Variants in SIM2 observed in about 807,000 individuals in gnomAD.
SIM2 encodes the protein SIM bHLH transcription factor 2, also known as single-minded homolog 2.
Under a neutral mutation model 64.8 loss-of-function variants are expected in SIM2, and 28 were observed. The observed-to-expected ratio is 0.43, with a 90% CI of 0.32 to 0.59. SIM2 has a LOEUF of 0.59. Among genes scored for constraint, SIM2 ranks in the 20% least tolerant of loss-of-function variants. The pLI, the probability that SIM2 is intolerant of heterozygous loss-of-function variation, is 0.07. For missense variants in SIM2, 847 were observed against 871.4 expected (o/e 0.97, Z 0.35); for synonymous variants, 408 against 391.1 (o/e 1.04, Z -0.51).
At chr21:36,732,603 C>T (rs1412693705) in intron 7 of SIM2, among the ~76,000 whole-genome samples, 1 of 152,208 alleles carries the variant, frequency 6.6e-6, no homozygotes, top group Non-Finnish European at 1.5e-5. Flanking sequence ...CAGACGGCTT[C>T]TTCCTTGCTC....
In SIM2 at chr21:36,726,019, C is replaced by T. The variant is rs1399651309; in HGVS notation, c.544-100C>T. 20 of 962,912 alleles carry T rather than the reference C, an allele frequency of 2.1e-5. No individual in the cohort carries two copies. Among genetic ancestry groups the T allele is most frequent in the Non-Finnish European group, 2.9e-5 (18 of 619,198 alleles). The allele number at this position is 962,912 out of a possible 1,614,324, so 59.6% of individuals were successfully genotyped here. A position where few individuals can be genotyped will look rare whatever the true frequency, so the allele number is the denominator to read the frequency against. On this transcript the variant is annotated intron_variant, in intron 5 of 10. Coordinates refer to ENST00000290399, the MANE Select transcript of SIM2 (RefSeq NM_005069.6). The surrounding 1 kb of genome is among the most constrained non-coding windows in gnomAD (Gnocchi z 4.5). ...GCCGCACAGTGGAGTAGAGGCTGGG[C>T]TGGGAGATATTCTAGCATGTTTGAG...
chr21:36,699,524 C>T lies in SIM2; in HGVS notation c.-223C>T. Reference sequence around the variant, plus strand: ...GTCCAGCCCGGAGGAGGCTGCGCTCCGGGCAGCGGCGGGCGGCGCCGCCGG... The same window carrying T: ...GTCCAGCCCGGAGGAGGCTGCGCTCTGGGCAGCGGCGGGCGGCGCCGCCGG... On this transcript the variant is annotated 5_prime_UTR_variant, in exon 1 of 11. Transcript: ENST00000290399. The surrounding 1 kb of genome is among the most constrained non-coding windows in gnomAD (Gnocchi z 5.6). 2.7e-6 allele frequency: 1 copy of T among 365,590 alleles called. No individual in the cohort carries two copies. Among genetic ancestry groups the T allele is most frequent in the Non-Finnish European group, 4.9e-6 (1 of 205,988 alleles). The allele number at this position is 365,590 out of a possible 1,614,324, so 22.6% of individuals were successfully genotyped here. A position where few individuals can be genotyped will look rare whatever the true frequency, so the allele number is the denominator to read the frequency against.
chr21:36,703,325 A>T (rs875225), intron 1 of SIM2, among the ~76,000 whole-genome samples: 108,168 of 152,074 alleles, frequency 0.71, 38,585 homozygotes, highest in Middle Eastern at 0.74. Context: ...ATTGTCATGC[A>T]GCGCTACTCG....
At chr21:36,741,618 C>T in intron 7 of SIM2, 99 bp from the exon 8 acceptor site, 1 of 1,411,186 alleles carries the variant, frequency 7.1e-7, no homozygotes, top group Non-Finnish European at 9.8e-7. Context: ...TTGTCAAGTT[C>T]TCAGAGGTGT....
At chr21:36,746,584 T>C (rs2089229617) in intron 10 of SIM2, among the ~76,000 whole-genome samples, 1 of 152,198 alleles carries the variant, frequency 6.6e-6, no homozygotes. Flanking sequence ...CACTAGGACA[T>C]GTTTTTTCAG....
At chr21:36,713,089 A>G (rs1183335478) in intron 3 of SIM2, among the ~76,000 whole-genome samples, 1 of 152,120 alleles carries the variant, frequency 6.6e-6, no homozygotes, top group African/African-American at 2.4e-5. Context: ...TAGATTTATG[A>G]GTGTTCGCAT....
At chr21:36,711,904 A>T (rs1289529584) in intron 2 of SIM2, among the ~76,000 whole-genome samples, 5 of 152,150 alleles carry the variant, frequency 3.3e-5, no homozygotes, top group Admixed American at 3.3e-4. Flanking sequence ...GGTAGTTTTC[A>T]TTTTTCAGAA....
At chr21:36,734,681 A>C (rs778743336) in intron 7 of SIM2, among the ~76,000 whole-genome samples, 3 of 152,192 alleles carry the variant, frequency 2.0e-5, no homozygotes, top group Non-Finnish European at 2.9e-5. Context: ...GCTGAGCAGC[A>C]GCCTCCCCTC....
chr21:36,713,735 C>A (rs1420814033), intron 3 of SIM2, among the ~76,000 whole-genome samples: 2 of 152,178 alleles, frequency 1.3e-5, no homozygotes. Flanking sequence ...ATTTTTCTGC[C>A]AATACTTTTT....
chr21:36,711,409 T>C (rs1160421883), intron 2 of SIM2, among the ~76,000 whole-genome samples: 1 of 152,248 alleles, frequency 6.6e-6, no homozygotes, highest in Non-Finnish European at 1.5e-5. Context: ...ATAATCAAGA[T>C]GCTGATTTTC....
chr21:36,700,060 G>C lies in SIM2; in HGVS notation c.175+139G>C, dbSNP rs1478949592. 1.0e-5 allele frequency: 9 copies of C among 867,870 alleles called. No individual in the cohort carries two copies. In the Admixed American group the frequency reaches 2.8e-4, roughly 27 times the overall value. The allele number at this position is 867,870 out of a possible 1,614,324, so 53.8% of individuals were successfully genotyped here. A position where few individuals can be genotyped will look rare whatever the true frequency, so the allele number is the denominator to read the frequency against. On this transcript the variant is annotated intron_variant, in intron 1 of 10. Transcript: ENST00000290399. ...GGGGCGTCTGAGGGAGGTTGCGTGA[G>C]GGTCTTCGGCTTCGGCGCTGGCTTG...
chr21:36,728,071 C>T (rs1202276980), intron 6 of SIM2, among the ~76,000 whole-genome samples: 3 of 152,186 alleles, frequency 2.0e-5, no homozygotes, highest in Non-Finnish European at 4.4e-5. Context: ...TGCCATTTTC[C>T]TGCCATGCAG....
In SIM2 at chr21:36,712,537, T is replaced by C; in HGVS notation, c.263T>C (p.Leu88Ser). ...CTGACACTTTATCTTTTACAGACTT[T>C]GGATGGATTTGTTTTTGTGGTAGCA... ...KELGSHLLQT[L>S]DGFVFVVASD... The change falls in exon 3 of 11, where the codon TTG becomes TCG. Residue 88 changes from leucine to serine, a missense_variant. Transcript: ENST00000290399. The C allele has an allele frequency of 6.2e-7, 1 of 1,606,558 alleles. No homozygotes were observed. The highest frequency in any genetic ancestry group is 8.5e-7 in the Non-Finnish European group (1 of 1,173,280).
At position 36,745,822 on chromosome 21, in the gene SIM2, C is replaced by T. The variant is rs1439077935; in HGVS notation, c.1576+686C>T. 4 of 1,303,930 alleles carry T rather than the reference C, an allele frequency of 3.1e-6. No homozygotes were observed. Among genetic ancestry groups the T allele is most frequent in the Admixed American group, 2.3e-5 (1 of 43,550 alleles). The allele number at this position is 1,303,930 out of a possible 1,614,324, so 80.8% of individuals were successfully genotyped here. ...AAGCAGATGTCCTCTGCGGAGATAC[C>T]GCCAGCTCCCCAGGACGCAGACTGA... is the stretch of plus-strand genomic sequence containing the variant. On this transcript the variant is annotated intron_variant, in intron 10 of 10. Coordinates refer to ENST00000290399, the MANE Select transcript of SIM2 (RefSeq NM_005069.6). The surrounding 1 kb of genome is among the most constrained non-coding windows in gnomAD (Gnocchi z 4.8).
chr21:36,720,143 T>C, intron 4 of SIM2: 1 of 559,856 alleles, frequency 1.8e-6, no homozygotes, highest in South Asian at 2.2e-5. Context: ...GCTCCTATTG[T>C]TGGCCAGAAC....
chr21:36,743,582 G>C, intron 9 of SIM2, 27 bp downstream of exon 9: 1 of 1,606,414 alleles, frequency 6.2e-7, no homozygotes, highest in Non-Finnish European at 8.5e-7. Flanking sequence ...GCAGTTTTGG[G>C]GTGCTGACAT....
intron 1 of SIM2, among the ~76,000 whole-genome samples, chr21:36,708,250 C>A (rs1045474046): frequency 1.3e-5 from 2 of 152,200 alleles, no homozygotes; most frequent in Non-Finnish European, 2.9e-5. Context: ...CAGCCTCGCC[C>A]GGCTTTCCTG....
intron 6 of SIM2, among the ~76,000 whole-genome samples, chr21:36,728,006 C>G (rs2845787): frequency 0.054 from 8,233 of 152,132 alleles, 610 homozygotes; most frequent in African/African-American, 0.17. Flanking sequence ...AGACAGGAAA[C>G]AGCGCTCTTT....
intron 7 of SIM2, among the ~76,000 whole-genome samples, chr21:36,732,350 T>C (rs1458497304): frequency 1.3e-5 from 2 of 152,254 alleles, no homozygotes; most frequent in Non-Finnish European, 2.9e-5. Flanking sequence ...CCAGATGGCA[T>C]GTCCTCTGTT....
Sources: allele counts gnomAD v4.1 joint callset (sites outside exome capture counted in the v4.1 genomes callset), GRCh38; gene constraint gnomAD v4.1.1; non-coding constraint Gnocchi (gnomAD v3.1); transcripts MANE v1.5; gene names NCBI Gene and HGNC (gene_info 2026-07-23, HGNC 2026-07-21).